ZFHX3: variants seen among roughly 807,000 people sequenced by gnomAD.
ZFHX3 encodes the protein zinc finger homeobox protein 3.
A neutral mutation model predicts 279.1 loss-of-function variants in ZFHX3; 42 were observed. The ratio of observed to expected loss-of-function variants is 0.15; its 90% CI spans 0.12 to 0.19. The LOEUF (loss-of-function observed/expected upper bound fraction) is 0.19, where lower values mean the gene tolerates loss of function less well. Among genes scored for constraint, ZFHX3 ranks in the 10% least tolerant of loss-of-function variants. ZFHX3 has a pLI of 1.00. For synonymous variants in ZFHX3, 2,293 were observed against 1,957.8 expected, an observed-to-expected ratio of 1.17 and a Z score of -4.52; for missense variants, 4,981 against 4,754.0, an observed-to-expected ratio of 1.05 and a Z score of -1.40.
At chr16:73,101,999 C>T (rs766500396) in intron 7 of ZFHX3, among the ~76,000 whole-genome samples, 14 of 151,272 alleles carry the variant, frequency 9.3e-5, no homozygotes, top group East Asian at 2.0e-4. Flanking sequence ...CTGCAATCTC[C>T]GCCTCCTGGG....
At chr16:73,824,448 T>C (rs1960840526) in intron 1 of ZFHX3, among the ~76,000 whole-genome samples, 1 of 141,128 alleles carries the variant, frequency 7.1e-6, no homozygotes, top group Non-Finnish European at 1.5e-5. Flanking sequence ...ATGTGCACAT[T>C]GTGCAGGTTA....
chr16:73,627,454 G>T (rs1021385023), intron 2 of ZFHX3, among the ~76,000 whole-genome samples: 2 of 152,214 alleles, frequency 1.3e-5, no homozygotes, highest in Non-Finnish European at 2.9e-5. Context: ...ACAGAGACAG[G>T]AACAGCTCAA....
At chr16:72,830,404 C>T (rs1423936771) in intron 4 of ZFHX3, among the ~76,000 whole-genome samples, 1 of 152,224 alleles carries the variant, frequency 6.6e-6, no homozygotes, top group Admixed American at 6.5e-5. Flanking sequence ...CACAGAATAT[C>T]AGTGATATGA....
chr16:73,848,165 G>A (rs936984897), intron 1 of ZFHX3, among the ~76,000 whole-genome samples: 3 of 151,934 alleles, frequency 2.0e-5, no homozygotes, highest in Non-Finnish European at 4.4e-5. Context: ...AATTTCAGTG[G>A]GGGCAACATT....
intron 2 of ZFHX3, among the ~76,000 whole-genome samples, chr16:73,649,462 T>A (rs1334873489): frequency 6.6e-6 from 1 of 152,208 alleles, no homozygotes; most frequent in East Asian, 1.9e-4. Flanking sequence ...TGTATATGCA[T>A]AAAGAGTTTG....
chr16:73,135,709 C>G (rs1020778850), intron 6 of ZFHX3, among the ~76,000 whole-genome samples: 4 of 152,150 alleles, frequency 2.6e-5, no homozygotes, highest in Non-Finnish European at 5.9e-5. Context: ...AAAAATAGTT[C>G]CAGCTTCTCT....
intron 3 of ZFHX3, chr16:73,400,744 C>T (rs1311804099): frequency 8.5e-5 from 13 of 152,186 alleles, no homozygotes; most frequent in Admixed American, 8.5e-4. Context: ...AGGGGCAAGG[C>T]TTTTCCGGGT....
chr16:73,867,131 C>T lies in ZFHX3; in HGVS notation c.-1608+24520G>A, dbSNP rs189546871. 1.4e-3 allele frequency among the ~76,000 whole-genome samples: 213 copies of T among 152,188 alleles called. 1 individual carries two copies. The highest frequency in any genetic ancestry group is 2.6e-3 in the Non-Finnish European group (175 of 67,978). The stretch of plus-strand genomic sequence containing the variant: ...CACCTCAACTACAGGTGAACTGAGA[C>T]GGGGGCCAGAGGGCTTTGGGATGAG... On this transcript the variant is annotated intron_variant, in intron 1 of 17. Coordinates refer to the ZFHX3 transcript ENST00000641206.
Position 73,158,527 on chromosome 16 carries a change from A to T in ZFHX3, c.-1103-14696T>A, listed in dbSNP as rs533341871. Among the ~76,000 whole-genome samples, 5 of 152,152 alleles carry T rather than the reference A, an allele frequency of 3.3e-5. No individual in the cohort carries two copies. In the South Asian group the frequency reaches 1.0e-3, roughly 32 times the overall value. ...ATATACACTTGTAAACGTTTTTCAC[A>T]AGAGTTCAAACATTTACATTTAGAC... On this transcript the variant is annotated intron_variant, in intron 5 of 17. Transcript: ENST00000641206.
At chr16:73,414,386 C>T (rs540580402) in intron 3 of ZFHX3, among the ~76,000 whole-genome samples, 172 of 152,314 alleles carry the variant, frequency 1.1e-3, no homozygotes, top group African/African-American at 4.0e-3. Context: ...GATGTTTGTC[C>T]CTGTCTGTAA....
chr16:73,549,217 T>G (rs9922738), intron 2 of ZFHX3, among the ~76,000 whole-genome samples: 31,082 of 152,080 alleles, frequency 0.2, 4,832 homozygotes, highest in African/African-American at 0.43. Context: ...GATTTTAAAA[T>G]TATTTTCTGA....
chr16:73,414,910 A>G (rs2017542072), intron 3 of ZFHX3, among the ~76,000 whole-genome samples: 1 of 152,230 alleles, frequency 6.6e-6, no homozygotes, highest in African/African-American at 2.4e-5. Flanking sequence ...AGGTGAGAAC[A>G]GACTAGCTAG....
intron 1 of ZFHX3, among the ~76,000 whole-genome samples, chr16:73,693,847 G>A (rs2053171280): frequency 6.6e-6 from 1 of 152,062 alleles, no homozygotes; most frequent in African/African-American, 2.4e-5. Context: ...CACATCTCAT[G>A]ATGGATTATC....
intron 1 of ZFHX3, among the ~76,000 whole-genome samples, chr16:72,979,036 G>A (rs567589922): frequency 2.2e-4 from 33 of 152,304 alleles, no homozygotes; most frequent in African/African-American, 7.7e-4. Context: ...ACCTTCCTGA[G>A]GGTCAGGCCA....
At chr16:72,846,316 C>T (rs2037478563) in intron 4 of ZFHX3, among the ~76,000 whole-genome samples, 1 of 152,238 alleles carries the variant, frequency 6.6e-6, no homozygotes, top group Non-Finnish European at 1.5e-5. Flanking sequence ...GCTCACATGG[C>T]AGAGGCATGG....
At chr16:73,694,056 C>T (rs1012227814) in intron 1 of ZFHX3, among the ~76,000 whole-genome samples, 6 of 150,296 alleles carry the variant, frequency 4.0e-5, no homozygotes, top group African/African-American at 9.7e-5. Flanking sequence ...GGCACAGTGG[C>T]TCATGCCTGT....
At chr16:73,542,229 A>G (rs2020029796) in intron 2 of ZFHX3, among the ~76,000 whole-genome samples, 1 of 152,090 alleles carries the variant, frequency 6.6e-6, no homozygotes, top group Non-Finnish European at 1.5e-5. Flanking sequence ...AGCCTGTGGG[A>G]AGGCTGACTG....
intron 1 of ZFHX3, among the ~76,000 whole-genome samples, chr16:72,965,305 A>G (rs1026760865): frequency 5.3e-5 from 8 of 152,328 alleles, no homozygotes; most frequent in African/African-American, 1.9e-4. Flanking sequence ...TGCTCATGCA[A>G]AAGAACGCTG....
chr16:72,788,657 C>T lies in ZFHX3; in HGVS notation c.9619G>A (p.Val3207Met), dbSNP rs1567509037. 6.2e-7 allele frequency: 1 copy of T among 1,612,250 alleles called. No individual in the cohort carries two copies. Among genetic ancestry groups the T allele is most frequent in the Non-Finnish European group, 8.5e-7 (1 of 1,179,282 alleles). ...GCTGGCGGCGGGGGAGGCTGCTGCA[C>T]CTGTGGTTGCTGCTGCTGCTGCTGC... ...QQQQQQQQPQVQQPPPPPAAQ... is the reference protein window; with the variant it reads ...QQQQQQQQPQMQQPPPPPAAQ... Residue 3207 changes from valine (V) to methionine (M), a missense_variant, in exon 10 of 10, where the codon GTG becomes ATG. Physicochemically the swap from Val to Met is conservative, Grantham distance 21. This residue lies in a region of ZFHX3 where 1,034 missense variants were observed against 786.0 expected (regional missense o/e 1.32). Coordinates refer to ENST00000268489, the MANE Select transcript of ZFHX3 (RefSeq NM_006885.4).
Sources: allele counts gnomAD v4.1 joint callset (sites outside exome capture counted in the v4.1 genomes callset), GRCh38; gene constraint gnomAD v4.1.1; regional missense constraint gnomAD v4.1.1; transcripts MANE v1.5; gene names NCBI Gene and HGNC (gene_info 2026-07-23, HGNC 2026-07-21).